The following PAXBP1 variants were observed in gnomAD, a reference collection of about 807,000 sequenced individuals.
The protein encoded by PAXBP1 is PAX3 and PAX7 binding protein 1.
A neutral mutation model predicts 119.9 loss-of-function variants in PAXBP1; 44 were observed. The observed-to-expected ratio is 0.37, with a 90% confidence interval of 0.29 to 0.47. The LOEUF (loss-of-function observed/expected upper bound fraction) is 0.47. Ranked by LOEUF, PAXBP1 falls within the 20% of genes least tolerant of loss-of-function variation. The pLI, the probability that PAXBP1 is intolerant of heterozygous loss-of-function variation, is 0.99. For missense variants in PAXBP1, 898 were observed against 1,134.1 expected (o/e 0.79, Z 2.99); for synonymous variants, 393 against 406.6 (o/e 0.97, Z 0.40).
At chr21:32,756,768 C>T (rs1332955088) in intron 7 of PAXBP1, 1 of 165,360 alleles carries the variant, frequency 6.0e-6, no homozygotes, top group Non-Finnish European at 1.3e-5. Flanking sequence ...AGGAACTACC[C>T]ACCTAAGCTG....
Position 32,738,245 on chromosome 21 carries a change from T to C in PAXBP1, c.2409A>G (p.Leu803=). ...AAGCCATGAGAATATATCGATTTAA[T>C]AAACCATCTATTGATAACTCTTGCA... The part of the protein sequence containing the change: ...KTLQELSIDG[L]LNRYILMAFQ... Residue 803 remains leucine (L), a synonymous_variant, in exon 16 of 18, where the codon TTA becomes TTG. Transcript: ENST00000331923. The C allele has an allele frequency of 1.2e-6, 2 of 1,603,726 alleles. No individual in the cohort carries two copies. The highest frequency in any genetic ancestry group is 1.7e-4 in the Middle Eastern group (1 of 6,046).
chr21:32,740,525 G>A (rs149885346), intron 15 of PAXBP1, among the ~76,000 whole-genome samples: 1 of 152,202 alleles, frequency 6.6e-6, no homozygotes, highest in East Asian at 1.9e-4. Context: ...AAAGGCTATC[G>A]CCTTTTCAAC....
Position 32,734,854 on chromosome 21 carries a change from G to T in PAXBP1, c.*96C>A. ...TATAATGTTTTTTGTATTAAAACAA[G>T]AATTGCTATTTTACAGTTTAAGAAA... is the stretch of plus-strand genomic sequence containing the variant. On this transcript the variant is annotated 3_prime_UTR_variant, in exon 18 of 18. Coordinates refer to ENST00000331923, the MANE Select transcript of PAXBP1 (RefSeq NM_016631.4). 1.2e-6 allele frequency: 1 copy of T among 853,824 alleles called. No individual in the cohort carries two copies. The highest frequency in any genetic ancestry group is 2.4e-5 in the East Asian group (1 of 40,818). 52.9% of individuals were successfully genotyped at this position (853,824 alleles called of 1,614,324 possible).
chr21:32,734,565 C>A lies in PAXBP1; in HGVS notation c.*385G>T. ...CGGATAATTTTCTGCTGTTAAAAGG[C>A]TTCCTCTGTGGAAAAACACCACAAA... On this transcript the variant is annotated 3_prime_UTR_variant, in exon 18 of 18. Transcript: ENST00000331923. The A allele has an allele frequency of 1.0e-5, 2 of 198,644 alleles. No individual in the cohort carries two copies. The highest frequency in any genetic ancestry group is 2.0e-5 in the Non-Finnish European group (2 of 97,964). The allele number at this position is 198,644 out of a possible 1,614,324, so 12.3% of individuals were successfully genotyped here. A position where few individuals can be genotyped will look rare whatever the true frequency, so the allele number is the denominator to read the frequency against.
intron 2 of PAXBP1, among the ~76,000 whole-genome samples, chr21:32,767,275 T>C (rs908647368): frequency 1.2e-4 from 19 of 152,112 alleles, no homozygotes; most frequent in Non-Finnish European, 2.5e-4. Context: ...GTAGGAAGAG[T>C]TCTGGATTGC....
At chr21:32,769,565 T>G (rs1235659300) in intron 2 of PAXBP1, among the ~76,000 whole-genome samples, 2 of 152,196 alleles carry the variant, frequency 1.3e-5, no homozygotes, top group Admixed American at 6.5e-5. Flanking sequence ...TGCACACAAG[T>G]AGGAAAACTG....
At chr21:32,739,483 C>T (rs2043742672) in intron 15 of PAXBP1, among the ~76,000 whole-genome samples, 2 of 152,200 alleles carry the variant, frequency 1.3e-5, no homozygotes, top group South Asian at 4.1e-4. Flanking sequence ...AGTAAACACA[C>T]AGTAAGTACT....
chr21:32,739,123 C>T (rs2043735708), intron 15 of PAXBP1, among the ~76,000 whole-genome samples: 1 of 152,202 alleles, frequency 6.6e-6, no homozygotes, highest in African/African-American at 2.4e-5. Context: ...GAGTTCTAAA[C>T]CTACAGAAAA....
chr21:32,766,469 T>C (rs1205737136), intron 2 of PAXBP1, among the ~76,000 whole-genome samples: 1 of 152,152 alleles, frequency 6.6e-6, no homozygotes, highest in African/African-American at 2.4e-5. Context: ...CACTTCACCT[T>C]AAACCTGGTC....
At chr21:32,758,984 G>C (rs1469654627) in intron 7 of PAXBP1, 96 bp downstream of exon 7, 4 of 1,201,918 alleles carry the variant, frequency 3.3e-6, no homozygotes, top group South Asian at 1.5e-5. Flanking sequence ...GAGTTCAGTG[G>C]GTACTTTCTG....
At position 32,748,584 on chromosome 21, in the gene PAXBP1, T is replaced by C. The variant is rs2043910394; in HGVS notation, c.1838A>G (p.Tyr613Cys). 6.2e-7 allele frequency: 1 copy of C among 1,614,082 alleles called. No individual in the cohort carries two copies. Among genetic ancestry groups the C allele is most frequent in the Non-Finnish European group, 8.5e-7 (1 of 1,179,962 alleles). ...EAWRSKYYTSYKDAYIGLCLP... is the reference protein window; with the variant it reads ...EAWRSKYYTSCKDAYIGLCLP... ...ACAAAGGCCAATGTAAGCATCTTTGTAGGATGTGTAGTATTTTGAACGCCA... is the reference window on the plus strand; with the variant it reads ...ACAAAGGCCAATGTAAGCATCTTTGCAGGATGTGTAGTATTTTGAACGCCA... Residue 613 changes from tyrosine to cysteine, a missense_variant, in exon 11 of 18, where the codon TAC (tyrosine) becomes TGC (cysteine). Physicochemically the swap from Tyr to Cys is radical, Grantham distance 194. Coordinates refer to ENST00000331923, the MANE Select transcript of PAXBP1 (RefSeq NM_016631.4).
chr21:32,744,368 C>T (rs2043840584), intron 13 of PAXBP1, among the ~76,000 whole-genome samples: 1 of 151,772 alleles, frequency 6.6e-6, no homozygotes, highest in Non-Finnish European at 1.5e-5. Context: ...TCAAAGCCGT[C>T]CTGGGCCACA....
At chr21:32,769,397 A>C (rs1601614007) in intron 2 of PAXBP1, among the ~76,000 whole-genome samples, 1 of 152,136 alleles carries the variant, frequency 6.6e-6, no homozygotes, top group South Asian at 2.1e-4. Context: ...CATTCCTAAA[A>C]GTTCTCTAAG....
chr21:32,769,711 C>T, intron 2 of PAXBP1, 103 bp downstream of exon 2: 3 of 1,237,720 alleles, frequency 2.4e-6, no homozygotes, highest in South Asian at 2.8e-5. Flanking sequence ...CCCTTGACAA[C>T]CACAGGGTCC....
intron 5 of PAXBP1, among the ~76,000 whole-genome samples, chr21:32,760,762 G>A (rs933678145): frequency 6.6e-6 from 1 of 152,086 alleles, no homozygotes; most frequent in African/African-American, 2.4e-5. Context: ...GAGCTACCGG[G>A]TAATGCTAAT....
intron 11 of PAXBP1, among the ~76,000 whole-genome samples, chr21:32,747,417 G>C (rs189657806): frequency 1.2e-3 from 181 of 152,260 alleles, no homozygotes; most frequent in Non-Finnish European, 1.8e-3. Flanking sequence ...AAACTGTGGG[G>C]CAGAGGAGTG....
At position 32,735,762 on chromosome 21, in the gene PAXBP1, A is replaced by T. The variant is rs116096449; in HGVS notation, c.2637-695T>A. 2.3e-3 allele frequency among the ~76,000 whole-genome samples: 354 copies of T among 152,354 alleles called. 2 individuals are homozygous for T. Among genetic ancestry groups the T allele is most frequent in the African/African-American group, 7.5e-3 (311 of 41,580 alleles). ...CCATGCTGATACTGCTGGTCCAGGG[A>T]CCACACTTTAAGAATGACTGTTTTA... On this transcript the variant is annotated intron_variant, in intron 17 of 17. Coordinates refer to ENST00000331923, the MANE Select transcript of PAXBP1 (RefSeq NM_016631.4).
chr21:32,744,492 G>A (rs1395768579), intron 13 of PAXBP1, among the ~76,000 whole-genome samples: 1 of 152,004 alleles, frequency 6.6e-6, no homozygotes, highest in African/African-American at 2.4e-5. Flanking sequence ...GTTGGATTGG[G>A]ACTGAGGTGT....
At chr21:32,737,209 C>A in intron 17 of PAXBP1, 45 bp downstream of exon 17, 4 of 1,374,518 alleles carry the variant, frequency 2.9e-6, no homozygotes, top group South Asian at 1.7e-5. Context: ...CTAAATCTGG[C>A]AACTAAACAA....
Sources: allele counts gnomAD v4.1 joint callset (sites outside exome capture counted in the v4.1 genomes callset), GRCh38; gene constraint gnomAD v4.1.1; transcripts MANE v1.5; gene names NCBI Gene and HGNC (gene_info 2026-07-23, HGNC 2026-07-21).